Variants in RAB5C observed in about 807,000 individuals in gnomAD.
RAB5C encodes the protein ras-related protein Rab-5C.
Under a neutral mutation model 25.2 loss-of-function variants are expected in RAB5C, and 4 were observed. The ratio of observed to expected loss-of-function variants is 0.16; its 90% confidence interval spans 0.08 to 0.36. RAB5C has a LOEUF of 0.36. Among genes scored for constraint, RAB5C ranks in the 10% least tolerant of loss-of-function variants. RAB5C has a pLI of 1.00. For missense variants in RAB5C, 199 were observed against 283.8 expected (o/e 0.70, Z 2.15); for synonymous variants, 100 against 106.4 (o/e 0.94, Z 0.37).
At chr17:42,130,693 G>C in intron 1 of RAB5C, 103 bp from the exon 2 acceptor site, 1 of 1,386,782 alleles carries the variant, frequency 7.2e-7, no homozygotes, top group Non-Finnish European at 9.5e-7. Flanking sequence ...TGAAGACCTA[G>C]CTGACTGCTT....
At chr17:42,130,202 C>T in intron 2 of RAB5C, 135 bp downstream of exon 2, 4 of 1,260,428 alleles carry the variant, frequency 3.2e-6, no homozygotes, top group Non-Finnish European at 4.3e-6. Context: ...TTCCAGGGCC[C>T]AGGTGAGGAA....
At chr17:42,146,379 CG>C (rs1468004145) in intron 1 of RAB5C, among the ~76,000 whole-genome samples, 1 of 152,146 alleles carries the variant, frequency 6.6e-6, no homozygotes, top group Non-Finnish European at 1.5e-5. Context: ...GTACTATCTG[CG>C]TAACTTTTCT....
At chr17:42,137,261 G>A (rs891202920) in intron 1 of RAB5C, among the ~76,000 whole-genome samples, 16 of 150,414 alleles carry the variant, frequency 1.1e-4, no homozygotes, top group African/African-American at 3.9e-4. Flanking sequence ...AGCGAAGATC[G>A]CACCATTGCA....
chr17:42,134,578 A>G (rs2144073167), intron 1 of RAB5C, among the ~76,000 whole-genome samples: 1 of 152,116 alleles, frequency 6.6e-6, no homozygotes, highest in South Asian at 2.1e-4. Context: ...ACTCTGTCTC[A>G]AAAAAAAGTT....
intron 1 of RAB5C, among the ~76,000 whole-genome samples, chr17:42,139,687 C>T (rs1335913047): frequency 6.6e-6 from 1 of 152,160 alleles, no homozygotes; most frequent in Non-Finnish European, 1.5e-5. Flanking sequence ...GTCTCGATTT[C>T]CTGACCTTGT....
rs759878778 is a variant in RAB5C, at chr17:42,150,544, C to CAAAAAAAA, written c.-89+4341_-89+4348dup. Among the ~76,000 whole-genome samples, 6 of 19,382 alleles carry CAAAAAAAA rather than the reference C, an allele frequency of 3.1e-4. 1 individual carries two copies. Among genetic ancestry groups the CAAAAAAAA allele is most frequent in the African/African-American group, 1.2e-3 (5 of 4,224 alleles). 12.7% of individuals were successfully genotyped at this position (19,382 alleles called of 152,430 possible). A position where few individuals can be genotyped will look rare whatever the true frequency, so the allele number is the denominator to read the frequency against. On this transcript the variant is annotated intron_variant, in intron 1 of 5. Coordinates refer to ENST00000346213, the MANE Select transcript of RAB5C (RefSeq NM_004583.4). ...GGGAGACAAGAGTGAAACTCCATCT[C>CAAAAAAAA]AAAAAAAAAAAAAAAAAAAAAAAAA...
intron 5 of RAB5C, 104 bp downstream of exon 5, chr17:42,126,651 A>AAG: frequency 2.1e-6 from 1 of 471,756 alleles, no homozygotes; most frequent in Admixed American, 3.9e-5. Context: ...AAAAAAAAAA[A>AAG]AAAAAAAGAG....
rs116113174 is a variant in RAB5C, at chr17:42,147,511, G to A, written c.-89+7382C>T. ...CACACACGGCAGAAGCCAGTCAGCC[G>A]GACTGTGGCTAGTCAGGGCCGCGCC... On this transcript the variant is annotated intron_variant, in intron 1 of 5. Transcript: ENST00000346213. Among the ~76,000 whole-genome samples the A allele has an allele frequency of 7.8e-3, 1,189 of 152,296 alleles. 12 individuals carry two copies. The highest frequency in any genetic ancestry group is 0.027 in the African/African-American group (1,123 of 41,564).
intron 1 of RAB5C, among the ~76,000 whole-genome samples, chr17:42,135,543 C>T (rs1295687455): frequency 2.0e-5 from 3 of 152,088 alleles, no homozygotes; most frequent in Non-Finnish European, 4.4e-5. Context: ...AGTTGATATA[C>T]GAAGGAGGGA....
intron 1 of RAB5C, among the ~76,000 whole-genome samples, chr17:42,146,578 G>A (rs2079636248): frequency 6.6e-6 from 1 of 152,076 alleles, no homozygotes. Flanking sequence ...GCGAAACCCC[G>A]TCTCTACTAA....
chr17:42,143,719 G>A (rs986020350), intron 1 of RAB5C, among the ~76,000 whole-genome samples: 5 of 152,180 alleles, frequency 3.3e-5, no homozygotes, highest in Non-Finnish European at 5.9e-5. Flanking sequence ...GGTCAAAGGA[G>A]GCTAAAAGAG....
intron 1 of RAB5C, among the ~76,000 whole-genome samples, chr17:42,137,538 T>C (rs1046639329): frequency 4.6e-5 from 7 of 152,226 alleles, no homozygotes; most frequent in African/African-American, 1.7e-4. Context: ...GAATGCAATC[T>C]AGCTCCTCTG....
At position 42,130,575 on chromosome 17, in the gene RAB5C, G is replaced by C. The variant is rs760778533; in HGVS notation, c.-73C>G. 19 of 1,587,614 alleles carry C rather than the reference G, an allele frequency of 1.2e-5. No homozygotes were observed. In the East Asian group the frequency reaches 3.8e-4, roughly 32 times the overall value. On this transcript the variant is annotated 5_prime_UTR_variant, in exon 2 of 6. Coordinates refer to ENST00000346213, the MANE Select transcript of RAB5C (RefSeq NM_004583.4). Reference sequence around the variant, plus strand: ...TGCTATGCAAAGAGGCACTTAGTGGGGAGGGGGACCTCCAACTGTAAGGGA... The same window carrying C: ...TGCTATGCAAAGAGGCACTTAGTGGCGAGGGGGACCTCCAACTGTAAGGGA...
At chr17:42,144,579 C>T (rs1368915301) in intron 1 of RAB5C, among the ~76,000 whole-genome samples, 3 of 150,782 alleles carry the variant, frequency 2.0e-5, no homozygotes, top group East Asian at 2.0e-4. Flanking sequence ...CTTGGGAGGC[C>T]GAAACGGGTG....
chr17:42,148,277 C>T (rs1353167704), intron 1 of RAB5C, among the ~76,000 whole-genome samples: 1 of 151,528 alleles, frequency 6.6e-6, no homozygotes, highest in African/African-American at 2.4e-5. Flanking sequence ...TGGTGGTACA[C>T]ACCTGTAATC....
At chr17:42,150,105 G>A (rs1034557419) in intron 1 of RAB5C, among the ~76,000 whole-genome samples, 2 of 151,802 alleles carry the variant, frequency 1.3e-5, no homozygotes, top group African/African-American at 2.4e-5. Context: ...GGCTGGTCTC[G>A]AACTCCTGAC....
At chr17:42,147,032 GAAAGACAGAAAGAAAGACAGAA>G (rs1300161557) in intron 1 of RAB5C, among the ~76,000 whole-genome samples, 62 of 143,828 alleles carry the variant, frequency 4.3e-4, no homozygotes, top group African/African-American at 1.6e-3. Context: ...AAGAAAGACA[GAAAGACAGAAAGAAAGACAGAA>G]AAAGAAAGAA....
intron 1 of RAB5C, among the ~76,000 whole-genome samples, chr17:42,150,370 C>G (rs1240152837): frequency 6.6e-6 from 1 of 151,194 alleles, no homozygotes; most frequent in Non-Finnish European, 1.5e-5. Flanking sequence ...ATAGAGGAAC[C>G]CTGTCTCTAC....
chr17:42,130,125 C>T (rs1163077549), intron 2 of RAB5C: 5 of 625,298 alleles, frequency 8.0e-6, no homozygotes, highest in East Asian at 3.0e-5. Context: ...TAGCTTTCCA[C>T]TCCCAGCAAA....
Sources: allele counts gnomAD v4.1 joint callset (sites outside exome capture counted in the v4.1 genomes callset), GRCh38; gene constraint gnomAD v4.1.1; transcripts MANE v1.5; gene names NCBI Gene and HGNC (gene_info 2026-07-23, HGNC 2026-07-21).